The following JADE1 variants were observed in gnomAD, a reference collection of about 807,000 sequenced individuals.
The protein encoded by JADE1 is jade family PHD finger 1.
A neutral mutation model predicts 81.8 loss-of-function variants in JADE1; 14 were observed. The observed-to-expected ratio is 0.17, with a 90% CI of 0.11 to 0.27. JADE1 has a LOEUF of 0.27. JADE1 is among the 10% of genes least tolerant of loss of function. The pLI, the probability that JADE1 is intolerant of heterozygous loss-of-function variation, is 1.00. For synonymous variants in JADE1, 353 were observed against 391.9 expected (o/e 0.90, Z 1.17); for missense variants, 690 against 1,047.9 (o/e 0.66, Z 4.71).
Position 128,871,798 on chromosome 4 carries a change from G to C in JADE1, c.2065G>C (p.Asp689His). The change falls in exon 11 of 11, where the codon GAT becomes CAT. Residue 689 changes from aspartate (D) to histidine (H), a missense_variant. Asp to His is a moderately conservative substitution (Grantham distance 81, BLOSUM62 -1). Coordinates refer to ENST00000226319, the MANE Select transcript of JADE1 (RefSeq NM_199320.4). The surrounding 1 kb of genome is among the most constrained non-coding windows in gnomAD (Gnocchi z 4.1). ...GAGTCACAAGCCTCTCAGGTCCACA[G>C]ATGTGTCCCAGAGGCATCTGGACAA... ...KQSHKPLRST[D>H]VSQRHLDNTR... 6.2e-7 allele frequency: 1 copy of C among 1,614,174 alleles called. No individual in the cohort carries two copies. Among genetic ancestry groups the C allele is most frequent in the Non-Finnish European group, 8.5e-7 (1 of 1,180,022 alleles).
intron 1 of JADE1, among the ~76,000 whole-genome samples, chr4:128,811,561 GGCGGCGGCCGAGGCGCTGCTTCTCC>G (rs1400933501): frequency 6.6e-4 from 99 of 150,788 alleles, no homozygotes; most frequent in African/African-American, 2.4e-3. Flanking sequence ...AATGGGGGCG[GGCGGCGGCCGAGGCGCTGCTTCTCC>G]GCTGCGGCCG....
chr4:128,819,335 T>A (rs1453762171), intron 1 of JADE1, among the ~76,000 whole-genome samples: 2 of 152,150 alleles, frequency 1.3e-5, no homozygotes, highest in African/African-American at 4.8e-5. Context: ...AGTGGCACGA[T>A]CACGGCTCAG....
chr4:128,863,101 G>A lies in JADE1; in HGVS notation c.1503+876G>A, dbSNP rs191680978. The A allele has an allele frequency of 5.7e-4, 566 of 985,686 alleles. 3 individuals are homozygous for A. The African/African-American group carries it at 7.9e-3, about 14-fold the overall frequency. The allele number at this position is 985,686 out of a possible 1,614,324, so 61.1% of individuals were successfully genotyped here. A position where few individuals can be genotyped will look rare whatever the true frequency, so the allele number is the denominator to read the frequency against. ...TGTTGGCTGCCGAGCCTCAGCTGCT[G>A]GCATTTCCTTCTGCTGTTTGCTGCT... On this transcript the variant is annotated intron_variant, in intron 9 of 10. Transcript: ENST00000226319.
chr4:128,834,530 CTTTTTTTT>C (rs202245727), intron 2 of JADE1, among the ~76,000 whole-genome samples: 9 of 99,220 alleles, frequency 9.1e-5, no homozygotes, highest in East Asian at 2.9e-4. Flanking sequence ...CCAAATATTT[CTTTTTTTT>C]TTTTTTTTTT....
intron 3 of JADE1, among the ~76,000 whole-genome samples, chr4:128,844,041 C>A (rs1313708381): frequency 6.6e-6 from 1 of 152,190 alleles, no homozygotes; most frequent in Non-Finnish European, 1.5e-5. Flanking sequence ...TTATTTCAGG[C>A]CTTTTTTCCT....
chr4:128,865,197 A>C (rs971827099), intron 9 of JADE1, among the ~76,000 whole-genome samples: 22 of 152,184 alleles, frequency 1.4e-4, no homozygotes, highest in African/African-American at 4.1e-4. Context: ...TTAGTGCTGC[A>C]AACAGTTTTG....
Position 128,873,177 on chromosome 4 carries a change from G to A in JADE1, c.*915G>A, listed in dbSNP as rs1395309769. ...GAAGAACTTCCAGACTCTGGTGACTGTTACTTCCCAGAGCCAACCACTAGT... is the reference window on the plus strand; with the variant it reads ...GAAGAACTTCCAGACTCTGGTGACTATTACTTCCCAGAGCCAACCACTAGT... On this transcript the variant is annotated 3_prime_UTR_variant, in exon 11 of 11. Coordinates refer to ENST00000226319, the MANE Select transcript of JADE1 (RefSeq NM_199320.4). 1 of 175,412 alleles carries A rather than the reference G, an allele frequency of 5.7e-6. No homozygotes were observed. The highest frequency in any genetic ancestry group is 1.2e-5 in the Non-Finnish European group (1 of 83,548). The allele number at this position is 175,412 out of a possible 1,614,324, so 10.9% of individuals were successfully genotyped here.
chr4:128,813,540 C>T (rs1726692863), intron 1 of JADE1, among the ~76,000 whole-genome samples: 1 of 151,508 alleles, frequency 6.6e-6, no homozygotes, highest in Admixed American at 6.6e-5. Context: ...TGCCTCAGCC[C>T]CCTGAGTAGC....
chr4:128,812,316 G>C (rs541323404), intron 1 of JADE1, among the ~76,000 whole-genome samples: 1 of 151,852 alleles, frequency 6.6e-6, no homozygotes, highest in Non-Finnish European at 1.5e-5. Context: ...AGGAGGAGGA[G>C]GATTGGGAGA....
At chr4:128,839,015 G>T (rs1205132652) in intron 2 of JADE1, among the ~76,000 whole-genome samples, 2 of 152,112 alleles carry the variant, frequency 1.3e-5, no homozygotes, top group Non-Finnish European at 2.9e-5. Flanking sequence ...TAAATTCTTA[G>T]TGCCTGCCAC....
At position 128,875,109 on chromosome 4, in the gene JADE1, T is replaced by C. The variant is rs964346802; in HGVS notation, c.*2847T>C. The C allele has an allele frequency of 3.3e-5, 5 of 152,618 alleles. No individual in the cohort carries two copies. The highest frequency in any genetic ancestry group is 1.2e-4 in the African/African-American group (5 of 41,450). 9.5% of individuals were successfully genotyped at this position (152,618 alleles called of 1,614,324 possible). ...CAATCCTGTATTTATTTCTACCCCCTTTTTGAAAGTATTTATAAAACTAGT... is the reference window on the plus strand; with the variant it reads ...CAATCCTGTATTTATTTCTACCCCCCTTTTGAAAGTATTTATAAAACTAGT... On this transcript the variant is annotated 3_prime_UTR_variant, in exon 11 of 11. Coordinates refer to ENST00000226319, the MANE Select transcript of JADE1 (RefSeq NM_199320.4).
chr4:128,851,966 T>C (rs1730393565), intron 5 of JADE1, 91 bp from the exon 6 acceptor site: 1 of 798,898 alleles, frequency 1.3e-6, no homozygotes, highest in South Asian at 1.8e-5. Context: ...TCATTATACA[T>C]TATTTTTAAG....
At chr4:128,862,312 A>T in intron 9 of JADE1, 87 bp downstream of exon 9, 1 of 1,572,938 alleles carries the variant, frequency 6.4e-7, no homozygotes, top group Middle Eastern at 1.7e-4. Context: ...AATGATAGCC[A>T]GTCATATACT....
At chr4:128,863,244 T>G in intron 9 of JADE1, 1 of 985,592 alleles carries the variant, frequency 1.0e-6, no homozygotes, top group Non-Finnish European at 1.2e-6. Flanking sequence ...CTGTAGGTAG[T>G]TTCTGGCTGA....
intron 9 of JADE1, chr4:128,864,216 C>T (rs570988571): frequency 1.1e-5 from 8 of 706,518 alleles, no homozygotes; most frequent in African/African-American, 3.9e-5. Flanking sequence ...GGCGTGATCT[C>T]GGCTCACTGC....
chr4:128,816,787 A>G (rs1180833155), intron 1 of JADE1, among the ~76,000 whole-genome samples: 1 of 152,214 alleles, frequency 6.6e-6, no homozygotes, highest in Non-Finnish European at 1.5e-5. Flanking sequence ...GAGGTAGGAC[A>G]TAATGTGATA....
At chr4:128,854,570 T>G (rs1254435817) in intron 6 of JADE1, among the ~76,000 whole-genome samples, 2 of 152,330 alleles carry the variant, frequency 1.3e-5, no homozygotes, top group East Asian at 3.9e-4. Context: ...GTGACTTTTC[T>G]TTGCTCAACT....
chr4:128,872,360 G>A lies in JADE1; in HGVS notation c.*98G>A. The A allele has an allele frequency of 2.0e-6, 2 of 996,796 alleles. No individual in the cohort carries two copies. Among genetic ancestry groups the A allele is most frequent in the Admixed American group, 2.5e-5 (1 of 40,006 alleles). The allele number at this position is 996,796 out of a possible 1,614,324, so 61.7% of individuals were successfully genotyped here. On this transcript the variant is annotated 3_prime_UTR_variant, in exon 11 of 11. Coordinates refer to ENST00000226319, the MANE Select transcript of JADE1 (RefSeq NM_199320.4). ...AGAAGCAGAAACCCATTAATCCTGA[G>A]CTACACAAACACATTTACTTGCAAT...
At chr4:128,844,428 G>A (rs1010413392) in intron 3 of JADE1, among the ~76,000 whole-genome samples, 11 of 152,156 alleles carry the variant, frequency 7.2e-5, no homozygotes, top group Non-Finnish European at 1.3e-4. Context: ...CAGAGTTGAC[G>A]TCCATTTGAG....
Sources: allele counts gnomAD v4.1 joint callset (sites outside exome capture counted in the v4.1 genomes callset), GRCh38; gene constraint gnomAD v4.1.1; non-coding constraint Gnocchi (gnomAD v3.1); transcripts MANE v1.5; gene names NCBI Gene and HGNC (gene_info 2026-07-23, HGNC 2026-07-21).